Variants in SGPP2 observed in about 807,000 individuals in gnomAD.
The protein encoded by SGPP2 is sphingosine 1-phosphate phosphohydrolase 2.
SGPP2 carries 30 observed loss-of-function variants against 33.9 expected under a neutral mutation model. The ratio of observed to expected loss-of-function variants is 0.89; its 90% CI spans 0.66 to 1.20. SGPP2 has a LOEUF of 1.20. SGPP2 is among the 50% of genes most tolerant of loss of function. The probability of loss-of-function intolerance (pLI) is 0.00; values close to 1 mark genes in which losing one functional copy is unlikely to be tolerated. For missense variants in SGPP2, 458 were observed against 532.1 expected (o/e 0.86, Z 1.37); for synonymous variants, 233 against 225.0 (o/e 1.04, Z -0.32).
rs1169382509 is a variant in SGPP2 at position 222,561,076 on chromosome 2, G to C, written c.*2178G>C. The C allele has an allele frequency of 6.7e-6, 1 of 150,074 alleles. No homozygotes were observed. The highest frequency in any genetic ancestry group is 2.5e-5 in the African/African-American group (1 of 40,652). 9.3% of individuals were successfully genotyped at this position (150,074 alleles called of 1,614,324 possible). On this transcript the variant is annotated 3_prime_UTR_variant, in exon 5 of 5. Coordinates refer to ENST00000321276, the MANE Select transcript of SGPP2 (RefSeq NM_152386.4). ...GCCGAGATTGCGCCACTGCACTCCA[G>C]CCTGGGCGACAGAGCGAGACTCTCT...
At chr2:222,546,845 A>T (rs1436787) in intron 4 of SGPP2, among the ~76,000 whole-genome samples, 55,134 of 146,628 alleles carry the variant, frequency 0.38, 10,778 homozygotes, top group South Asian at 0.48. Flanking sequence ...AAAAAAAAAG[A>T]ACATGCCAGA....
intron 4 of SGPP2, among the ~76,000 whole-genome samples, chr2:222,532,055 C>T (rs1483191172): frequency 6.6e-6 from 1 of 152,010 alleles, no homozygotes; most frequent in African/African-American, 2.4e-5. Context: ...GGTGGATCAC[C>T]TGAGGTCAGG....
intron 4 of SGPP2, among the ~76,000 whole-genome samples, chr2:222,534,855 T>C (rs956165798): frequency 1.3e-5 from 2 of 152,228 alleles, no homozygotes; most frequent in African/African-American, 4.8e-5. Context: ...AAGTAATGAA[T>C]ACTCATGGTA....
intron 1 of SGPP2, among the ~76,000 whole-genome samples, chr2:222,457,221 T>G (rs1221643192): frequency 6.6e-6 from 1 of 152,040 alleles, no homozygotes; most frequent in Non-Finnish European, 1.5e-5. Context: ...TTTGCAAATA[T>G]GAGGCATACA....
intron 2 of SGPP2, 150 bp downstream of exon 2, chr2:222,474,876 T>G: frequency 1.5e-6 from 1 of 672,346 alleles, no homozygotes. Context: ...TTGGAAAAAT[T>G]AGAAAGCAAT....
chr2:222,549,841 G>A (rs1163832157), intron 4 of SGPP2, among the ~76,000 whole-genome samples: 2 of 151,498 alleles, frequency 1.3e-5, no homozygotes, highest in South Asian at 2.1e-4. Flanking sequence ...ATAGGGTAAG[G>A]CTGGAAACAC....
intron 1 of SGPP2, among the ~76,000 whole-genome samples, chr2:222,471,687 C>G (rs918501187): frequency 1.3e-5 from 2 of 152,120 alleles, no homozygotes; most frequent in African/African-American, 4.8e-5. Context: ...ATTCCAGAAC[C>G]TCAGACTTTG....
At chr2:222,454,903 T>C (rs542257282) in intron 1 of SGPP2, among the ~76,000 whole-genome samples, 6 of 152,248 alleles carry the variant, frequency 3.9e-5, no homozygotes, top group African/African-American at 1.4e-4. Context: ...TGCTCCACTT[T>C]TATTTCTCTG....
chr2:222,543,698 C>T (rs868588368), intron 4 of SGPP2, among the ~76,000 whole-genome samples: 1 of 152,182 alleles, frequency 6.6e-6, no homozygotes, highest in Non-Finnish European at 1.5e-5. Flanking sequence ...CAGTACTCTT[C>T]CCATTAGTCT....
At chr2:222,522,465 T>A (rs1559168984) in intron 3 of SGPP2, among the ~76,000 whole-genome samples, 1 of 152,176 alleles carries the variant, frequency 6.6e-6, no homozygotes, top group Non-Finnish European at 1.5e-5. Flanking sequence ...GGCTCAAAGT[T>A]TTCTAGAACA....
intron 2 of SGPP2, 138 bp from the exon 3 acceptor site, chr2:222,521,628 CT>C: frequency 1.2e-6 from 1 of 838,388 alleles, no homozygotes; most frequent in Non-Finnish European, 1.8e-6. Context: ...TCCTACAAGA[CT>C]TTGCCAACAA....
chr2:222,509,694 AG>A (rs2106124275), intron 2 of SGPP2, among the ~76,000 whole-genome samples: 1 of 152,306 alleles, frequency 6.6e-6, no homozygotes, highest in South Asian at 2.1e-4. Context: ...AGAGACTTCA[AG>A]AACACATAGA....
intron 1 of SGPP2, among the ~76,000 whole-genome samples, chr2:222,459,305 C>G (rs1358991088): frequency 1.3e-5 from 2 of 151,940 alleles, no homozygotes; most frequent in African/African-American, 2.4e-5. Flanking sequence ...TGCCACCACA[C>G]CTGGCTAATT....
At chr2:222,527,950 C>T (rs1268551117) in intron 4 of SGPP2, among the ~76,000 whole-genome samples, 1 of 152,088 alleles carries the variant, frequency 6.6e-6, no homozygotes, top group Non-Finnish European at 1.5e-5. Context: ...AAACCTATGC[C>T]ACCCCTCAGG....
intron 4 of SGPP2, among the ~76,000 whole-genome samples, chr2:222,545,206 T>C (rs182269800): frequency 3.2e-4 from 49 of 152,322 alleles, no homozygotes; most frequent in African/African-American, 1.2e-3. Context: ...TGTCTTTTTT[T>C]CTTTTTTAAA....
chr2:222,538,449 G>GA (rs1227189597), intron 4 of SGPP2, among the ~76,000 whole-genome samples: 1 of 152,070 alleles, frequency 6.6e-6, no homozygotes, highest in African/African-American at 2.4e-5. Flanking sequence ...ATCACTGAGT[G>GA]AAAAAAAGCA....
chr2:222,436,060 T>C (rs1697234803), intron 1 of SGPP2, among the ~76,000 whole-genome samples: 1 of 152,230 alleles, frequency 6.6e-6, no homozygotes, highest in African/African-American at 2.4e-5. Context: ...ATGCATCCTC[T>C]TCCTTAACTC....
intron 4 of SGPP2, among the ~76,000 whole-genome samples, chr2:222,543,260 A>G (rs1323709817): frequency 3.9e-5 from 6 of 152,230 alleles, no homozygotes; most frequent in African/African-American, 9.6e-5. Flanking sequence ...TTTGTTCTAC[A>G]TGAATACCCA....
At chr2:222,549,878 C>A (rs79932118) in intron 4 of SGPP2, among the ~76,000 whole-genome samples, 7 of 147,756 alleles carry the variant, frequency 4.7e-5, no homozygotes, top group Non-Finnish European at 1.0e-4. Flanking sequence ...CTTTTCTTTT[C>A]TTTTCTTTTT....
Sources: allele counts gnomAD v4.1 joint callset (sites outside exome capture counted in the v4.1 genomes callset), GRCh38; gene constraint gnomAD v4.1.1; transcripts MANE v1.5; gene names NCBI Gene and HGNC (gene_info 2026-07-23, HGNC 2026-07-21).